The following SENP1 variants were observed in gnomAD, a reference collection of about 807,000 sequenced individuals.
SENP1 encodes the protein sentrin-specific protease 1.
In SENP1, 21 loss-of-function variants were observed where a neutral mutation model predicts 93.0. That is an observed-to-expected ratio of 0.23 (90% CI 0.16 to 0.33). The LOEUF is 0.33. SENP1 is among the 10% of genes least tolerant of loss of function. The pLI is 1.00. For missense variants in SENP1, 591 were observed against 758.7 expected (o/e 0.78, Z 2.60); for synonymous variants, 256 against 259.6 (o/e 0.99, Z 0.13).
intron 13 of SENP1, among the ~76,000 whole-genome samples, chr12:48,060,810 A>C (rs542720307): frequency 2.6e-5 from 4 of 152,132 alleles, no homozygotes; most frequent in Non-Finnish European, 5.9e-5. Context: ...ATTAGTAACT[A>C]ATCTCCTGAC....
At chr12:48,093,372 C>T (rs746802750) in intron 4 of SENP1, among the ~76,000 whole-genome samples, 5 of 151,360 alleles carry the variant, frequency 3.3e-5, no homozygotes, top group African/African-American at 4.9e-5. Context: ...CAACCTCCAC[C>T]TCCTGGGTTC....
intron 2 of SENP1, chr12:48,099,010 CA>C (rs1945745538): frequency 6.6e-6 from 1 of 152,102 alleles, no homozygotes; most frequent in Admixed American, 6.5e-5. Flanking sequence ...CATATAAAAA[CA>C]GCTTAATTTA....
At chr12:48,061,835 T>C (rs1326404373) in intron 13 of SENP1, among the ~76,000 whole-genome samples, 1 of 152,192 alleles carries the variant, frequency 6.6e-6, no homozygotes, top group Admixed American at 6.5e-5. Flanking sequence ...AATGGTGCTT[T>C]TTAAGATAGC....
At chr12:48,086,208 T>G (rs928456106) in intron 5 of SENP1, among the ~76,000 whole-genome samples, 1 of 152,102 alleles carries the variant, frequency 6.6e-6, no homozygotes, top group Non-Finnish European at 1.5e-5. Flanking sequence ...AAACTGGTAA[T>G]GAAAAAGAAA....
chr12:48,096,047 A>G (rs1431855188), intron 4 of SENP1, among the ~76,000 whole-genome samples: 1 of 152,214 alleles, frequency 6.6e-6, no homozygotes, highest in East Asian at 1.9e-4. Flanking sequence ...TCACATACAC[A>G]TATTCCCAAA....
chr12:48,074,536 G>C lies in SENP1; in HGVS notation c.728C>G (p.Ser243Cys), dbSNP rs766900969. The change falls in exon 8 of 18, where the codon TCT becomes TGT. Residue 243 changes from serine (S) to cysteine (C), a missense_variant. Physicochemically the swap from Ser to Cys is moderately radical, Grantham distance 112 (BLOSUM62 -1). Transcript: ENST00000549518. Reference sequence around the variant, plus strand: ...TGAAGTATCAGAGCCAATGATCTGAGATGCACAAGAGTTTCCATTTTTAAA... The same window carrying C: ...TGAAGTATCAGAGCCAATGATCTGACATGCACAAGAGTTTCCATTTTTAAA... ...SLFKNGNSCASQIIGSDTSSS... is the reference protein window; with the variant it reads ...SLFKNGNSCACQIIGSDTSSS... The C allele has an allele frequency of 7.4e-6, 12 of 1,613,310 alleles. No homozygotes were observed. In the African/African-American group the frequency reaches 1.3e-4, roughly 18 times the overall value.
chr12:48,078,459 T>A (rs761128467), intron 6 of SENP1, among the ~76,000 whole-genome samples: 1 of 151,212 alleles, frequency 6.6e-6, no homozygotes, highest in Non-Finnish European at 1.5e-5. Flanking sequence ...TTTGAACAGT[T>A]CTTTGGTGGA....
chr12:48,071,471 C>T (rs1002910292), intron 9 of SENP1, among the ~76,000 whole-genome samples, 196 bp downstream of exon 9: 1 of 152,054 alleles, frequency 6.6e-6, no homozygotes, highest in African/African-American at 2.4e-5. Flanking sequence ...CAAAAATTAG[C>T]TGGGCGTGGT....
At chr12:48,089,967 C>T (rs1430294043) in intron 4 of SENP1, among the ~76,000 whole-genome samples, 1 of 152,112 alleles carries the variant, frequency 6.6e-6, no homozygotes, top group African/African-American at 2.4e-5. Flanking sequence ...AGGCAGCCTT[C>T]CAAAATATAA....
At position 48,063,814 on chromosome 12, in the gene SENP1, A is replaced by T. The variant is rs1943116535; in HGVS notation, c.1303T>A (p.Phe435Ile). The T allele has an allele frequency of 6.2e-7, 1 of 1,612,336 alleles. No homozygotes were observed. Among genetic ancestry groups the T allele is most frequent in the African/African-American group, 1.3e-5 (1 of 74,906 alleles). ...EEMEKEIKNVFRNGNQDEVLS... is the reference protein window; with the variant it reads ...EEMEKEIKNVIRNGNQDEVLS... ...ACTTCATCCTGATTCCCATTACGAAATACATTCTTTATTTCTTTCTCCATT... is the reference window on the plus strand; with the variant it reads ...ACTTCATCCTGATTCCCATTACGAATTACATTCTTTATTTCTTTCTCCATT... The change falls in exon 13 of 18, where the codon TTT becomes ATT. Residue 435 changes from phenylalanine (F) to isoleucine (I), a missense_variant. Coordinates refer to ENST00000549518, the MANE Select transcript of SENP1 (RefSeq NM_001267594.2).
intron 17 of SENP1, 51 bp from the exon 18 acceptor site, chr12:48,045,435 G>GA: frequency 6.8e-7 from 1 of 1,461,548 alleles, no homozygotes; most frequent in Non-Finnish European, 9.6e-7. Context: ...GTCTAGACCT[G>GA]ATACGCCTTT....
At chr12:48,080,759 A>G (rs961036848) in intron 6 of SENP1, among the ~76,000 whole-genome samples, 1 of 152,232 alleles carries the variant, frequency 6.6e-6, no homozygotes, top group Non-Finnish European at 1.5e-5. Flanking sequence ...TATTCATGTT[A>G]TATGGCTTAT....
At chr12:48,062,776 AG>A (rs1461869164) in intron 13 of SENP1, among the ~76,000 whole-genome samples, 1 of 152,234 alleles carries the variant, frequency 6.6e-6, no homozygotes, top group Non-Finnish European at 1.5e-5. Context: ...CTACTTCCAA[AG>A]ATATGATGAC....
Position 48,056,646 on chromosome 12 carries a change from T to C in SENP1, c.1407+7064A>G, listed in dbSNP as rs1942439742. 2.8e-5 allele frequency among the ~76,000 whole-genome samples: 2 copies of C among 72,524 alleles called. 1 individual carries two copies. Among genetic ancestry groups the C allele is most frequent in the South Asian group, 1.1e-3 (2 of 1,778 alleles). The allele number at this position is 72,524 out of a possible 152,430, so 47.6% of individuals were successfully genotyped here. A position where few individuals can be genotyped will look rare whatever the true frequency, so the allele number is the denominator to read the frequency against. On this transcript the variant is annotated intron_variant, in intron 13 of 17. Coordinates refer to ENST00000549518, the MANE Select transcript of SENP1 (RefSeq NM_001267594.2). ...AATATATTATTTAATATATTACATA[T>C]ATAAATATATTATTTAATATATTAC... is the stretch of plus-strand genomic sequence containing the variant.
In SENP1 at chr12:48,074,812, A is replaced by G. The variant is rs1013495125; in HGVS notation, c.553-19T>C. The G allele has an allele frequency of 3.3e-6, 5 of 1,526,464 alleles. No individual in the cohort carries two copies. The highest frequency in any genetic ancestry group is 1.4e-5 in the African/African-American group (1 of 72,178). The allele number at this position is 1,526,464 out of a possible 1,614,324, so 94.6% of individuals were successfully genotyped here. A position where few individuals can be genotyped will look rare whatever the true frequency, so the allele number is the denominator to read the frequency against. On this transcript the variant is annotated intron_variant, in intron 6 of 17. Transcript: ENST00000549518. ...GAACTGTCTATAAGAAAACAAAAAA[A>G]AAAAACAGTTTAAACACATCCAATA...
chr12:48,100,585 A>G (rs1945856052), intron 2 of SENP1, among the ~76,000 whole-genome samples: 1 of 152,100 alleles, frequency 6.6e-6, no homozygotes. Context: ...CAGTGAGCTG[A>G]GATCATACCA....
In SENP1 at chr12:48,083,293, AAG is replaced by A. The variant is rs10600081; in HGVS notation, c.552+296_552+297del. ...TTTAGGAAGGGTCTAGCAAAGATCA[AAG>A]AGAGATACTTTGATGTATGAGAAAC... On this transcript the variant is annotated intron_variant, in intron 6 of 17. Coordinates refer to ENST00000549518, the MANE Select transcript of SENP1 (RefSeq NM_001267594.2). Among the ~76,000 whole-genome samples, 1,463 of 152,342 alleles carry A rather than the reference AAG, an allele frequency of 9.6e-3. 27 individuals are homozygous for A. Among genetic ancestry groups the A allele is most frequent in the African/African-American group, 0.034 (1,402 of 41,568 alleles).
intron 5 of SENP1, chr12:48,085,551 T>C (rs1357365931): frequency 4.2e-6 from 2 of 480,898 alleles, no homozygotes; most frequent in Non-Finnish European, 7.4e-6. Context: ...TCCCACTCCA[T>C]TAAGAGGCTA....
chr12:48,047,374 GT>G (rs1426134841), intron 15 of SENP1, among the ~76,000 whole-genome samples: 1 of 152,016 alleles, frequency 6.6e-6, no homozygotes, highest in Non-Finnish European at 1.5e-5. Flanking sequence ...CTTTTCCTTG[GT>G]TTATATGGTC....
Sources: allele counts gnomAD v4.1 joint callset (sites outside exome capture counted in the v4.1 genomes callset), GRCh38; gene constraint gnomAD v4.1.1; transcripts MANE v1.5; gene names NCBI Gene and HGNC (gene_info 2026-07-23, HGNC 2026-07-21).